Variants in CHCHD6 observed in about 807,000 individuals in gnomAD.
CHCHD6 encodes the protein coiled-coil-helix-coiled-coil-helix domain containing 6, also known as MICOS complex subunit MIC25.
A neutral mutation model predicts 32.3 loss-of-function variants in CHCHD6; 28 were observed. That is an observed-to-expected ratio of 0.87 (90% CI 0.64 to 1.19). The LOEUF is 1.19. Ranked by LOEUF, CHCHD6 falls within the 50% of genes most tolerant of loss-of-function variation. The pLI is 0.00. For missense variants in CHCHD6, 333 were observed against 307.0 expected (o/e 1.08, Z -0.63); for synonymous variants, 122 against 117.5 (o/e 1.04, Z -0.25).
intron 6 of CHCHD6, chr3:126,952,977 G>A: frequency 2.0e-6 from 2 of 985,482 alleles, no homozygotes; most frequent in Non-Finnish European, 2.4e-6. Flanking sequence ...GAGGCTGGAT[G>A]TGGGGTCTTC....
intron 6 of CHCHD6, among the ~76,000 whole-genome samples, chr3:126,942,172 C>T (rs1049763506): frequency 6.6e-6 from 1 of 152,178 alleles, no homozygotes; most frequent in Non-Finnish European, 1.5e-5. Context: ...GAGGTGCATC[C>T]CATCAGTAGG....
At chr3:126,807,575 A>G (rs1386622344) in intron 4 of CHCHD6, among the ~76,000 whole-genome samples, 1 of 152,194 alleles carries the variant, frequency 6.6e-6, no homozygotes, top group East Asian at 1.9e-4. Context: ...AGTACCAGAA[A>G]GAGGAAACTG....
intron 1 of CHCHD6, among the ~76,000 whole-genome samples, chr3:126,710,609 C>G (rs1417811387): frequency 6.6e-6 from 1 of 152,158 alleles, no homozygotes; most frequent in Non-Finnish European, 1.5e-5. Flanking sequence ...CTTAAGTTTT[C>G]TGAGGAGTGT....
chr3:126,862,455 C>T (rs1400861857), intron 5 of CHCHD6, among the ~76,000 whole-genome samples: 1 of 139,724 alleles, frequency 7.2e-6, no homozygotes, highest in Non-Finnish European at 1.6e-5. Context: ...TCACCACCTC[C>T]TCCTCCACCA....
chr3:126,734,192 G>A (rs900478507), intron 4 of CHCHD6, among the ~76,000 whole-genome samples: 4 of 152,248 alleles, frequency 2.6e-5, no homozygotes, highest in African/African-American at 9.6e-5. Flanking sequence ...AGGGGATACA[G>A]AGGGCTCCAC....
At chr3:126,814,024 A>G (rs1162485158) in intron 4 of CHCHD6, among the ~76,000 whole-genome samples, 1 of 152,228 alleles carries the variant, frequency 6.6e-6, no homozygotes, top group Non-Finnish European at 1.5e-5. Flanking sequence ...CATTAAACGT[A>G]GCTAACTTTG....
chr3:126,806,494 T>A (rs1470839061), intron 4 of CHCHD6, among the ~76,000 whole-genome samples: 2 of 152,224 alleles, frequency 1.3e-5, no homozygotes, highest in South Asian at 4.2e-4. Flanking sequence ...AAAACCACAA[T>A]GAGATACCAT....
In CHCHD6 at chr3:126,866,590, GA is replaced by G. The variant is rs1245283056; in HGVS notation, c.495+13861del. 2.6e-5 allele frequency among the ~76,000 whole-genome samples: 4 copies of G among 152,244 alleles called. No homozygotes were observed. The East Asian group carries it at 7.7e-4, about 29-fold the overall frequency. On this transcript the variant is annotated intron_variant, in intron 5 of 7. Coordinates refer to ENST00000290913, the MANE Select transcript of CHCHD6 (RefSeq NM_032343.3). ...CAAAGGCCTTGGCAGGCTAAATTCAGAGGATGACTTATTCACCAGTTGACTC... is the reference window on the plus strand; with the variant it reads ...CAAAGGCCTTGGCAGGCTAAATTCAGGGATGACTTATTCACCAGTTGACTC...
rs184670615 is a variant in CHCHD6 at position 126,952,584 on chromosome 3, C to T, written c.567-4832C>T. Among the ~76,000 whole-genome samples, 85 of 152,268 alleles carry T rather than the reference C, an allele frequency of 5.6e-4. 1 individual carries two copies. Among genetic ancestry groups the T allele is most frequent in the African/African-American group, 2.0e-3 (84 of 41,548 alleles). The stretch of plus-strand genomic sequence containing the variant: ...AGGTGCCGTCAGCTGAGCAGTGAGG[C>T]TCGGCATGGGGCCCAGGGGAGTGGG... On this transcript the variant is annotated intron_variant, in intron 6 of 7. Coordinates refer to ENST00000290913, the MANE Select transcript of CHCHD6 (RefSeq NM_032343.3).
intron 1 of CHCHD6, among the ~76,000 whole-genome samples, chr3:126,705,876 A>T (rs539416555): frequency 6.6e-6 from 1 of 152,302 alleles, no homozygotes; most frequent in African/African-American, 2.4e-5. Context: ...GGATAAGATG[A>T]TGTCTGTGAA....
intron 3 of CHCHD6, 37 bp from the exon 4 acceptor site, chr3:126,733,041 A>G: frequency 6.2e-7 from 1 of 1,609,624 alleles, no homozygotes. Flanking sequence ...CCGTCATGCC[A>G]TCCACATCTG....
intron 4 of CHCHD6, among the ~76,000 whole-genome samples, chr3:126,794,311 A>G (rs997132545): frequency 7.1e-6 from 1 of 140,984 alleles, no homozygotes; most frequent in African/African-American, 2.6e-5. Flanking sequence ...ATATATACAT[A>G]TATGTTTATA....
chr3:126,734,894 G>A (rs1041750424), intron 4 of CHCHD6, among the ~76,000 whole-genome samples: 6 of 152,258 alleles, frequency 3.9e-5, no homozygotes, highest in African/African-American at 1.4e-4. Context: ...AGCCCGCATC[G>A]ATCCTGAAAC....
rs1319457486 is a variant in CHCHD6, at chr3:126,704,250, T to C, written c.-63T>C. ...CCGCGCGAGTCCTGGAAAGCGTTGT[T>C]GGCCCGGTTGCTCTGGAGCCGGGTC... On this transcript the variant is annotated 5_prime_UTR_variant, in exon 1 of 8. Transcript: ENST00000290913. 2 of 1,366,382 alleles carry C rather than the reference T, an allele frequency of 1.5e-6. No individual in the cohort carries two copies. The highest frequency in any genetic ancestry group is 1.7e-5 in the Admixed American group (1 of 57,858). 84.6% of individuals were successfully genotyped at this position (1,366,382 alleles called of 1,614,324 possible).
At chr3:126,773,794 TG>T (rs1937587566) in intron 4 of CHCHD6, among the ~76,000 whole-genome samples, 2 of 151,968 alleles carry the variant, frequency 1.3e-5, no homozygotes, top group South Asian at 4.2e-4. Flanking sequence ...TTAGTAGAGA[TG>T]GGGTTTCACT....
At chr3:126,835,807 T>C (rs979545709) in intron 4 of CHCHD6, among the ~76,000 whole-genome samples, 2 of 152,234 alleles carry the variant, frequency 1.3e-5, no homozygotes, top group Non-Finnish European at 2.9e-5. Flanking sequence ...GCTGTTACCC[T>C]GTACCTAAAG....
intron 4 of CHCHD6, among the ~76,000 whole-genome samples, chr3:126,824,079 A>AAAAAAT (rs1424217597): frequency 6.6e-6 from 1 of 152,170 alleles, no homozygotes; most frequent in Non-Finnish European, 1.5e-5. Flanking sequence ...TTTTGTTTCT[A>AAAAAAT]AAAAATAAAA....
intron 6 of CHCHD6, among the ~76,000 whole-genome samples, chr3:126,932,797 G>T (rs1326780291): frequency 1.3e-5 from 2 of 152,222 alleles, no homozygotes; most frequent in Non-Finnish European, 2.9e-5. Context: ...GTGCACGGGC[G>T]CAAGAAGGGC....
intron 4 of CHCHD6, among the ~76,000 whole-genome samples, chr3:126,814,352 GT>G (rs914707730): frequency 2.0e-5 from 3 of 152,152 alleles, no homozygotes; most frequent in Admixed American, 6.5e-5. Flanking sequence ...CCTTTTCCTG[GT>G]TTACAACTCC....
Sources: allele counts gnomAD v4.1 joint callset (sites outside exome capture counted in the v4.1 genomes callset), GRCh38; gene constraint gnomAD v4.1.1; transcripts MANE v1.5; gene names NCBI Gene and HGNC (gene_info 2026-07-23, HGNC 2026-07-21).